ATP7B: variants seen among roughly 807,000 people sequenced by gnomAD.
The protein encoded by ATP7B is ATPase copper transporting beta, also known as copper-transporting ATPase 2.
A neutral mutation model predicts 118.9 loss-of-function variants in ATP7B; 113 were observed. The observed-to-expected ratio is 0.95, with a 90% confidence interval of 0.82 to 1.11. The LOEUF (loss-of-function observed/expected upper bound fraction) is 1.11. ATP7B is among the 50% of genes most tolerant of loss of function. The pLI, the probability that ATP7B is intolerant of heterozygous loss-of-function variation, is 0.00. For synonymous variants in ATP7B, 777 were observed against 727.4 expected (o/e 1.07, Z -1.10); for missense variants, 1,867 against 1,871.4 (o/e 1.00, Z 0.04).
chr13:51,995,092 G>C (rs1953138136), intron 1 of ATP7B, among the ~76,000 whole-genome samples: 1 of 152,094 alleles, frequency 6.6e-6, no homozygotes, highest in South Asian at 2.1e-4. Context: ...GCTTCATAGA[G>C]TCTTACAAAA....
intron 1 of ATP7B, among the ~76,000 whole-genome samples, chr13:51,990,105 TTTA>T (rs752647727): frequency 2.8e-4 from 43 of 151,670 alleles, no homozygotes; most frequent in Non-Finnish European, 5.5e-4. Flanking sequence ...TAAAATAACA[TTTA>T]TTATAACATT....
chr13:51,998,524 C>T (rs1281842546), intron 1 of ATP7B, among the ~76,000 whole-genome samples: 1 of 152,078 alleles, frequency 6.6e-6, no homozygotes, highest in Non-Finnish European at 1.5e-5. Context: ...TTTTTGTCCC[C>T]CTTACCACAA....
In ATP7B at chr13:51,974,288, AGAGCCACTGGGCTG is replaced by A. The variant is rs1951995448; in HGVS notation, c.918_931del (p.Ser307AlafsTer13). ...TGGAAGTGCCTCGATAGCCCTCTGC[AGAGCCACTGGGCTG>A]GTACAAGAAGGGTCATACTTTACTT... On this transcript the variant is annotated frameshift_variant, in exon 2 of 21. Transcript: ENST00000242839. LOFTEE classifies it high-confidence loss of function. 1.2e-6 allele frequency: 2 copies of A among 1,614,200 alleles called. No homozygotes were observed. The highest frequency in any genetic ancestry group is 1.7e-6 in the Non-Finnish European group (2 of 1,180,042).
At chr13:51,971,245 G>T (rs545148441) in intron 2 of ATP7B, among the ~76,000 whole-genome samples, 7 of 152,288 alleles carry the variant, frequency 4.6e-5, no homozygotes, top group African/African-American at 1.7e-4. Flanking sequence ...AGTTAAATTT[G>T]ATTCTCAGAC....
intron 5 of ATP7B, 40 bp from the exon 6 acceptor site, chr13:51,961,953 G>T: frequency 1.3e-6 from 2 of 1,556,272 alleles, no homozygotes; most frequent in South Asian, 1.1e-5. Flanking sequence ...AAAGGAGGAA[G>T]GTACTTGGTT....
intron 5 of ATP7B, among the ~76,000 whole-genome samples, chr13:51,963,667 C>A (rs982104900): frequency 7.2e-6 from 1 of 139,360 alleles, no homozygotes. Flanking sequence ...TCCCAGGAGG[C>A]GGAGGTTGCA....
chr13:51,966,566 G>A (rs1467135988), intron 4 of ATP7B, among the ~76,000 whole-genome samples: 2 of 152,148 alleles, frequency 1.3e-5, no homozygotes, highest in Non-Finnish European at 2.9e-5. Context: ...GAGTATCAGT[G>A]GTCAGCACTT....
chr13:51,981,416 A>G (rs1269138056), intron 1 of ATP7B, among the ~76,000 whole-genome samples: 1 of 152,178 alleles, frequency 6.6e-6, no homozygotes, highest in Non-Finnish European at 1.5e-5. Context: ...CAATATCCCT[A>G]ATCAAGGCAA....
chr13:51,988,044 C>G (rs866162933), intron 1 of ATP7B, among the ~76,000 whole-genome samples: 2 of 152,034 alleles, frequency 1.3e-5, no homozygotes, highest in Non-Finnish European at 2.9e-5. Context: ...CAACAAAAGC[C>G]AAAATTGACA....
At chr13:51,950,948 A>T (rs950694626) in intron 9 of ATP7B, among the ~76,000 whole-genome samples, 6 of 152,140 alleles carry the variant, frequency 3.9e-5, no homozygotes, top group African/African-American at 1.4e-4. Flanking sequence ...GTGACGTGCA[A>T]GTTGAGGTCA....
At chr13:52,007,417 A>G (rs1449489623) in intron 1 of ATP7B, among the ~76,000 whole-genome samples, 2 of 152,064 alleles carry the variant, frequency 1.3e-5, no homozygotes, top group Non-Finnish European at 2.9e-5. Context: ...GCAATGATGA[A>G]CTCTGATCTC....
rs1801243 is a variant in ATP7B at position 51,974,004 on chromosome 13, A to C, written c.1216T>G (p.Ser406Ala). 0.47 allele frequency: 759,967 copies of C among 1,614,028 alleles called. 184,066 individuals are homozygous for C. Among genetic ancestry groups the C allele is most frequent in the East Asian group, 0.53 (23,619 of 44,872 alleles). The change falls in exon 2 of 21, where the codon TCT (serine) becomes GCT (alanine). Residue 406 changes from serine (S) to alanine (A), a missense_variant. Ser to Ala is a moderately conservative substitution (Grantham distance 99, BLOSUM62 1). Transcript: ENST00000242839. Reference sequence around the variant, plus strand: ...CTGAGTTCTTCTGGGCTAATTACAGAGGGATTATAAAGAACTGTTGCAGTC... The same window carrying C: ...CTGAGTTCTTCTGGGCTAATTACAGCGGGATTATAAAGAACTGTTGCAGTC... ...EGTATVLYNP[S>A]VISPEELRAA...
intron 17 of ATP7B, among the ~76,000 whole-genome samples, 176 bp from the exon 18 acceptor site, chr13:51,937,855 A>G (rs1957065437): frequency 1.3e-5 from 2 of 152,094 alleles, no homozygotes; most frequent in African/African-American, 4.8e-5. Flanking sequence ...CTCCTGCCCC[A>G]ACACCCTGCA....
Position 51,946,375 on chromosome 13 carries a change from G to A in ATP7B, c.2969C>T (p.Ala990Val). ...CIACPCSLGLATPTAVMVGTG... is the reference protein window; with the variant it reads ...CIACPCSLGLVTPTAVMVGTG... ...GCCCACCATGACAGCCGTGGGCGTG[G>A]CCAGCCCCAGGGAGCAGGGGCAGGC... is the stretch of plus-strand genomic sequence containing the variant. The change falls in exon 13 of 21, where the codon GCC becomes GTC. Residue 990 changes from alanine to valine, a missense_variant. By Grantham distance (64) the Ala-to-Val change is moderately conservative (BLOSUM62 0). Coordinates refer to ENST00000242839, the MANE Select transcript of ATP7B (RefSeq NM_000053.4). 2 of 1,613,696 alleles carry A rather than the reference G, an allele frequency of 1.2e-6. No individual in the cohort carries two copies. The highest frequency in any genetic ancestry group is 1.7e-6 in the Non-Finnish European group (2 of 1,179,964).
At chr13:51,972,603 C>T (rs1421076803) in intron 2 of ATP7B, among the ~76,000 whole-genome samples, 2 of 152,296 alleles carry the variant, frequency 1.3e-5, no homozygotes, top group Non-Finnish European at 2.9e-5. Flanking sequence ...ACCTCTTTCT[C>T]ACCCGGCCTC....
At position 51,939,033 on chromosome 13, in the gene ATP7B, A is replaced by T. The variant is rs780249225; in HGVS notation, c.3699+18T>A. The stretch of plus-strand genomic sequence containing the variant: ...CTTTTATGAGCTTTACACAGTTTGC[A>T]ACATTAAAGGGCTGTACCTGGGTGG... On this transcript the variant is annotated intron_variant, in intron 17 of 20. Coordinates refer to ENST00000242839, the MANE Select transcript of ATP7B (RefSeq NM_000053.4). The T allele has an allele frequency of 6.2e-7, 1 of 1,614,238 alleles. No individual in the cohort carries two copies. The highest frequency in any genetic ancestry group is 8.5e-7 in the Non-Finnish European group (1 of 1,180,042).
intron 19 of ATP7B, among the ~76,000 whole-genome samples, chr13:51,937,008 G>A (rs866060097): frequency 6.6e-6 from 1 of 152,084 alleles, no homozygotes; most frequent in Admixed American, 6.5e-5. Context: ...AGAAAATAAG[G>A]CCACAATAAA....
intron 14 of ATP7B, among the ~76,000 whole-genome samples, chr13:51,943,329 A>G (rs968417502): frequency 1.3e-5 from 2 of 152,182 alleles, no homozygotes; most frequent in Non-Finnish European, 2.9e-5. Flanking sequence ...GAGGGTGAGC[A>G]AGATTCTCCC....
At chr13:51,966,283 G>A (rs1005859936) in intron 4 of ATP7B, among the ~76,000 whole-genome samples, 12 of 152,188 alleles carry the variant, frequency 7.9e-5, no homozygotes, top group East Asian at 1.9e-4. Flanking sequence ...AACTAGTGAC[G>A]GGTAGAGCTG....
Sources: allele counts gnomAD v4.1 joint callset (sites outside exome capture counted in the v4.1 genomes callset), GRCh38; gene constraint gnomAD v4.1.1; transcripts MANE v1.5; gene names NCBI Gene and HGNC (gene_info 2026-07-23, HGNC 2026-07-21).